The following ROBO2 variants were observed in gnomAD, a reference collection of about 807,000 sequenced individuals.
ROBO2 encodes roundabout guidance receptor 2, also known as roundabout homolog 2.
ROBO2 carries 53 observed loss-of-function variants against 160.8 expected under a neutral mutation model. The observed-to-expected ratio is 0.33, with a 90% confidence interval of 0.26 to 0.41. The LOEUF (loss-of-function observed/expected upper bound fraction) is 0.41, where lower values mean the gene tolerates loss of function less well. Among genes scored for constraint, ROBO2 ranks in the 10% least tolerant of loss-of-function variants. The probability of loss-of-function intolerance (pLI) is 1.00; values close to 1 mark genes in which losing one functional copy is unlikely to be tolerated. For missense variants in ROBO2, 1,577 were observed against 1,722.4 expected, an observed-to-expected ratio of 0.92 and a Z score of 1.49; for synonymous variants, 664 against 611.7, an observed-to-expected ratio of 1.09 and a Z score of -1.26.
intron 2 of ROBO2, among the ~76,000 whole-genome samples, chr3:76,956,473 C>T (rs1448175410): frequency 1.3e-5 from 2 of 150,204 alleles, no homozygotes; most frequent in Non-Finnish European, 2.9e-5. Flanking sequence ...AGGAGAATGG[C>T]GTGAATCCAG....
chr3:77,423,533 T>G (rs2153534360), intron 2 of ROBO2, among the ~76,000 whole-genome samples: 1 of 152,320 alleles, frequency 6.6e-6, no homozygotes, highest in Non-Finnish European at 1.5e-5. Flanking sequence ...CATAATATTT[T>G]ATTCTTCCTC....
intron 2 of ROBO2, among the ~76,000 whole-genome samples, chr3:76,456,016 A>G (rs2077732912): frequency 6.6e-6 from 1 of 152,206 alleles, no homozygotes; most frequent in South Asian, 2.1e-4. Flanking sequence ...TGTTGATAAT[A>G]AGACAATACA....
chr3:76,295,316 T>G (rs1050996073), intron 2 of ROBO2, among the ~76,000 whole-genome samples: 3 of 152,114 alleles, frequency 2.0e-5, no homozygotes, highest in African/African-American at 7.2e-5. Context: ...ATCACTGTTC[T>G]AAAAGAGCCA....
intron 2 of ROBO2, among the ~76,000 whole-genome samples, chr3:77,220,911 A>T (rs563304985): frequency 2.0e-4 from 30 of 152,332 alleles, no homozygotes; most frequent in Middle Eastern, 3.4e-3. Flanking sequence ...TAATAGTAGA[A>T]ACCATACTTT....
chr3:76,465,998 G>GGTGT (rs57838247), intron 2 of ROBO2, among the ~76,000 whole-genome samples: 48,055 of 147,462 alleles, frequency 0.33, 7,851 homozygotes, highest in Middle Eastern at 0.4. Flanking sequence ...ATAAAATATG[G>GGTGT]GTGTGTGTGT....
intron 6 of ROBO2, among the ~76,000 whole-genome samples, chr3:77,538,046 A>G (rs537868523): frequency 2.6e-5 from 4 of 152,204 alleles, no homozygotes; most frequent in African/African-American, 7.2e-5. Context: ...TATTAGCTAC[A>G]AGGAAGTAGC....
intron 2 of ROBO2, among the ~76,000 whole-genome samples, chr3:76,860,443 A>G (rs888437222): frequency 3.3e-5 from 5 of 152,190 alleles, no homozygotes; most frequent in African/African-American, 1.2e-4. Context: ...CATGACAATT[A>G]TCTCCAAACT....
chr3:76,779,353 G>A (rs2062484069), intron 2 of ROBO2, among the ~76,000 whole-genome samples: 1 of 150,932 alleles, frequency 6.6e-6, no homozygotes, highest in Non-Finnish European at 1.5e-5. Context: ...TTATGTGGGT[G>A]TGTTGTAAGA....
At position 77,191,198 on chromosome 3, in the gene ROBO2, G is replaced by A. The variant is rs115942581; in HGVS notation, c.388+92858G>A. On this transcript the variant is annotated intron_variant, in intron 2 of 25. Transcript: ENST00000461745. ...TACATGTATTAATGACTTACTGGGT[G>A]ACAGACATTTTGCTTCGAGTATATT... Among the ~76,000 whole-genome samples, 762 of 152,208 alleles carry A rather than the reference G, an allele frequency of 5.0e-3. 2 individuals carry two copies. Among genetic ancestry groups the A allele is most frequent in the Non-Finnish European group, 7.9e-3 (534 of 67,996 alleles).
chr3:77,627,173 G>C (rs142762709), intron 23 of ROBO2, among the ~76,000 whole-genome samples: 1 of 152,102 alleles, frequency 6.6e-6, no homozygotes, highest in Non-Finnish European at 1.5e-5. Flanking sequence ...GATATTACAC[G>C]TGTAATTTTT....
intron 1 of ROBO2, among the ~76,000 whole-genome samples, chr3:77,043,426 A>G (rs1288574210): frequency 6.6e-6 from 1 of 152,194 alleles, no homozygotes; most frequent in Admixed American, 6.5e-5. Flanking sequence ...GTATATGAAA[A>G]ATGGTAGCGT....
At chr3:76,105,797 C>A (rs752392972) in intron 2 of ROBO2, among the ~76,000 whole-genome samples, 2 of 151,030 alleles carry the variant, frequency 1.3e-5, no homozygotes, top group Non-Finnish European at 3.0e-5. Flanking sequence ...CAGCTGAGTC[C>A]AATAAGGAGA....
At chr3:76,897,404 G>A (rs2074879143) in intron 2 of ROBO2, among the ~76,000 whole-genome samples, 1 of 152,052 alleles carries the variant, frequency 6.6e-6, no homozygotes. Flanking sequence ...CCATGAAAAT[G>A]TTTAAGACAC....
intron 2 of ROBO2, among the ~76,000 whole-genome samples, chr3:76,985,070 A>G (rs2060299171): frequency 6.6e-6 from 1 of 152,128 alleles, no homozygotes; most frequent in Non-Finnish European, 1.5e-5. Flanking sequence ...TAGTTTGTGT[A>G]GAAACACACC....
intron 6 of ROBO2, among the ~76,000 whole-genome samples, chr3:77,535,704 G>A (rs564724218): frequency 3.2e-4 from 48 of 152,068 alleles, no homozygotes; most frequent in African/African-American, 9.6e-4. Context: ...AGCTACAAAC[G>A]CACTGGTAAA....
At chr3:77,262,683 A>G (rs1288741881) in intron 2 of ROBO2, among the ~76,000 whole-genome samples, 1 of 152,188 alleles carries the variant, frequency 6.6e-6, no homozygotes, top group Admixed American at 6.5e-5. Context: ...TCCCAGAAAA[A>G]AATAATTTAA....
chr3:76,277,007 T>C (rs1295468752), intron 2 of ROBO2, among the ~76,000 whole-genome samples: 3 of 152,080 alleles, frequency 2.0e-5, no homozygotes, highest in African/African-American at 7.2e-5. Flanking sequence ...CTTTATACAA[T>C]ATTTTTTAAT....
chr3:76,871,799 T>C (rs1031911540), intron 2 of ROBO2, among the ~76,000 whole-genome samples: 1 of 152,106 alleles, frequency 6.6e-6, no homozygotes, highest in Non-Finnish European at 1.5e-5. Context: ...GTGACAACAG[T>C]AGAAAGAGTC....
intron 2 of ROBO2, among the ~76,000 whole-genome samples, chr3:76,527,892 CA>C (rs1238954824): frequency 6.6e-6 from 1 of 151,930 alleles, no homozygotes; most frequent in Non-Finnish European, 1.5e-5. Context: ...TCATGTCAGA[CA>C]AAAGGAATGG....
Sources: allele counts gnomAD v4.1 joint callset (sites outside exome capture counted in the v4.1 genomes callset), GRCh38; gene constraint gnomAD v4.1.1; transcripts MANE v1.5; gene names NCBI Gene and HGNC (gene_info 2026-07-23, HGNC 2026-07-21).